HVCN1: variants seen among roughly 807,000 people sequenced by gnomAD.
HVCN1 encodes the protein voltage-gated hydrogen channel 1.
Under a neutral mutation model 29.2 loss-of-function variants are expected in HVCN1, and 14 were observed. The observed-to-expected ratio is 0.48, with a 90% CI of 0.32 to 0.75. HVCN1 has a LOEUF of 0.75. Ranked by LOEUF, HVCN1 falls within the 30% of genes least tolerant of loss-of-function variation. The pLI is 0.04. For missense variants in HVCN1, 263 were observed against 341.8 expected (o/e 0.77, Z 1.82); for synonymous variants, 131 against 133.2 (o/e 0.98, Z 0.11).
At chr12:110,651,912 A>G (rs887821886) in intron 5 of HVCN1, among the ~76,000 whole-genome samples, 7 of 152,204 alleles carry the variant, frequency 4.6e-5, no homozygotes, top group African/African-American at 7.2e-5. Context: ...GCTCGAGCCA[A>G]TAGTCCCAGT....
chr12:110,695,282 A>G (rs2069472196), intron 2 of HVCN1, among the ~76,000 whole-genome samples: 1 of 149,438 alleles, frequency 6.7e-6, no homozygotes, highest in Admixed American at 6.7e-5. Context: ...ACATATATAT[A>G]CACACACACA....
upstream of HVCN1, chr12:110,689,179 G>A (rs1487793521): frequency 6.8e-5 from 2 of 29,398 alleles, no homozygotes; most frequent in Non-Finnish European, 1.4e-4. The surrounding 1 kb of genome is among the most constrained non-coding windows in gnomAD (Gnocchi z 5.7). Flanking sequence ...CCCCGCCCCC[G>A]CCCGGGCCGC....
In HVCN1 at chr12:110,661,131, G is replaced by A; in HGVS notation, c.306+33C>T. On this transcript the variant is annotated intron_variant, in intron 4 of 7. Coordinates refer to ENST00000242607, the MANE Select transcript of HVCN1 (RefSeq NM_032369.4). The surrounding 1 kb of genome is among the most constrained non-coding windows in gnomAD (Gnocchi z 6.2). ...ACATTCCCCGATGGCTCTCCTGCCA[G>A]CTCTGGGTATCCCGGACTCCTGCCC... is the stretch of plus-strand genomic sequence containing the variant. 6.4e-7 allele frequency: 1 copy of A among 1,559,788 alleles called. No individual in the cohort carries two copies. The highest frequency in any genetic ancestry group is 1.2e-5 in the South Asian group (1 of 82,398).
At chr12:110,695,589 G>A (rs2069477334) in intron 2 of HVCN1, among the ~76,000 whole-genome samples, 3 of 152,146 alleles carry the variant, frequency 2.0e-5, no homozygotes, top group Admixed American at 2.0e-4. Flanking sequence ...GAATGAGCTG[G>A]GGGTTGTGGT....
intron 3 of HVCN1, among the ~76,000 whole-genome samples, chr12:110,667,182 T>C (rs1197176033): frequency 3.9e-5 from 6 of 152,334 alleles, no homozygotes; most frequent in Middle Eastern, 3.4e-3. Flanking sequence ...CTCCCCATGC[T>C]GGAGTGCAGT....
chr12:110,649,541 A>T, intron 7 of HVCN1, 66 bp from the exon 8 acceptor site: 1 of 1,179,870 alleles, frequency 8.5e-7, no homozygotes. Flanking sequence ...ACAATCAATC[A>T]TTCAGTGAGC....
intron 3 of HVCN1, among the ~76,000 whole-genome samples, chr12:110,672,577 AT>A (rs201734390): frequency 7.2e-4 from 109 of 151,394 alleles, no homozygotes; most frequent in African/African-American, 2.3e-3. Context: ...GAAACTTTGC[AT>A]TTTTTTTTCT....
chr12:110,704,802 T>G (rs1026851763), intron 1 of HVCN1: 1 of 152,296 alleles, frequency 6.6e-6, no homozygotes, highest in African/African-American at 2.4e-5. Context: ...TGGGCTGGGT[T>G]TCAGGGATGG....
chr12:110,703,795 G>T (rs757666509), intron 1 of HVCN1, among the ~76,000 whole-genome samples: 1 of 151,572 alleles, frequency 6.6e-6, no homozygotes, highest in Admixed American at 6.6e-5. Context: ...AGCGATTCTC[G>T]TGTCTCAGCC....
chr12:110,686,332 C>G (rs980624782), intron 2 of HVCN1, among the ~76,000 whole-genome samples: 48 of 152,164 alleles, frequency 3.2e-4, no homozygotes, highest in Non-Finnish European at 1.9e-4. Context: ...TTGAAATAAA[C>G]TTTCAAGAAA....
chr12:110,656,459 G>A (rs2067993891), intron 4 of HVCN1, among the ~76,000 whole-genome samples: 1 of 152,134 alleles, frequency 6.6e-6, no homozygotes, highest in Non-Finnish European at 1.5e-5. Flanking sequence ...CTGATGGCAG[G>A]GTGGAGGTGA....
chr12:110,678,164 C>T (rs2068809782), intron 3 of HVCN1, among the ~76,000 whole-genome samples: 1 of 152,212 alleles, frequency 6.6e-6, no homozygotes, highest in South Asian at 2.1e-4. Flanking sequence ...CCAGGTCACA[C>T]AGCCAGCGAG....
intron 1 of HVCN1, among the ~76,000 whole-genome samples, chr12:110,703,616 G>T (rs1402415883): frequency 6.8e-6 from 1 of 147,698 alleles, no homozygotes; most frequent in Non-Finnish European, 1.5e-5. Context: ...GTATATATTT[G>T]ATTCTTTTTC....
chr12:110,657,939 C>G (rs1161316543), intron 4 of HVCN1, among the ~76,000 whole-genome samples: 1 of 152,224 alleles, frequency 6.6e-6, no homozygotes, highest in Non-Finnish European at 1.5e-5. Context: ...GGACACATCT[C>G]TCAATGCTGG....
chr12:110,698,196 C>T (rs1184463718), intron 2 of HVCN1, among the ~76,000 whole-genome samples: 1 of 152,006 alleles, frequency 6.6e-6, no homozygotes, highest in Non-Finnish European at 1.5e-5. Flanking sequence ...GTCAGGGTCT[C>T]ACTATGTTGC....
chr12:110,670,706 C>A (rs528246706), intron 3 of HVCN1, among the ~76,000 whole-genome samples: 1 of 152,262 alleles, frequency 6.6e-6, no homozygotes, highest in Non-Finnish European at 1.5e-5. Flanking sequence ...AGCCAGTGAC[C>A]GGAGAGCCAC....
chr12:110,698,505 C>T (rs151137850), intron 2 of HVCN1, among the ~76,000 whole-genome samples: 93 of 152,314 alleles, frequency 6.1e-4, no homozygotes, highest in African/African-American at 2.1e-3. Context: ...CTTCCGCAGC[C>T]GCTGCAGCAC....
chr12:110,678,742 G>C lies in HVCN1; in HGVS notation c.21+4483C>G, dbSNP rs965044748. ...GCTGGGATTACAGGTGTGAGCCACT[G>C]CACCTAGCCCTATTTCATTTCTTAA... On this transcript the variant is annotated intron_variant, in intron 3 of 7. Transcript: ENST00000242607. Among the ~76,000 whole-genome samples, 19 of 152,216 alleles carry C rather than the reference G, an allele frequency of 1.2e-4. 1 individual carries two copies. In the South Asian group the frequency reaches 3.9e-3, roughly 32 times the overall value.
intron 3 of HVCN1, among the ~76,000 whole-genome samples, chr12:110,667,824 C>T (rs570862691): frequency 2.0e-5 from 3 of 152,232 alleles, no homozygotes; most frequent in Admixed American, 6.5e-5. Context: ...TTGCAAAAAC[C>T]GCATTTATAT....
Sources: allele counts gnomAD v4.1 joint callset (sites outside exome capture counted in the v4.1 genomes callset), GRCh38; gene constraint gnomAD v4.1.1; non-coding constraint Gnocchi (gnomAD v3.1); transcripts MANE v1.5; gene names NCBI Gene and HGNC (gene_info 2026-07-23, HGNC 2026-07-21).